Variants in ZNF704 observed in about 807,000 individuals in gnomAD.
The protein encoded by ZNF704 is zinc finger protein 704.
In ZNF704, 10 loss-of-function variants were observed where a neutral mutation model predicts 44.7. The ratio of observed to expected loss-of-function variants is 0.22; its 90% CI spans 0.14 to 0.38. The LOEUF (loss-of-function observed/expected upper bound fraction) is 0.38, where lower values mean the gene tolerates loss of function less well. ZNF704 is among the 10% of genes least tolerant of loss of function. The pLI, the probability that ZNF704 is intolerant of heterozygous loss-of-function variation, is 1.00. For missense variants in ZNF704, 390 were observed against 545.5 expected, an observed-to-expected ratio of 0.71 and a Z score of 2.84; for synonymous variants, 211 against 207.6, an observed-to-expected ratio of 1.02 and a Z score of -0.14.
intron 2 of ZNF704, among the ~76,000 whole-genome samples, chr8:80,727,959 C>G (rs1362454800): frequency 6.6e-6 from 1 of 152,070 alleles, no homozygotes. Flanking sequence ...TACCAAACTA[C>G]AAAGGTAACC....
rs34778127 is a variant in ZNF704 at position 80,663,904 on chromosome 8, A to G, written c.927+911T>C. ...ACCACCATGCCTGGCTAATTTTTGT[A>G]TTTTTTGTAGATATGGGGGTCTCAC... On this transcript the variant is annotated intron_variant, in intron 6 of 8. Transcript: ENST00000327835. 2.8e-3 allele frequency among the ~76,000 whole-genome samples: 422 copies of G among 148,300 alleles called. 3 individuals are homozygous for G. The highest frequency in any genetic ancestry group is 9.8e-3 in the African/African-American group (394 of 40,126).
At chr8:80,773,901 G>C (rs1265201491) in intron 2 of ZNF704, among the ~76,000 whole-genome samples, 1 of 151,984 alleles carries the variant, frequency 6.6e-6, no homozygotes, top group African/African-American at 2.4e-5. Flanking sequence ...TAACACTGCT[G>C]TCATTTTGGT....
At chr8:80,662,575 A>G (rs1325248424) in intron 6 of ZNF704, among the ~76,000 whole-genome samples, 1 of 152,232 alleles carries the variant, frequency 6.6e-6, no homozygotes, top group Non-Finnish European at 1.5e-5. Context: ...TATTAGCTCT[A>G]TTCAATTACT....
At chr8:80,822,316 C>G (rs1241889607) in intron 1 of ZNF704, among the ~76,000 whole-genome samples, 1 of 151,166 alleles carries the variant, frequency 6.6e-6, no homozygotes, top group African/African-American at 2.5e-5. Flanking sequence ...GTTCCCCACC[C>G]TGTGTCCAAG....
chr8:80,847,456 T>C (rs1224275562), intron 1 of ZNF704, among the ~76,000 whole-genome samples: 2 of 152,156 alleles, frequency 1.3e-5, no homozygotes, highest in African/African-American at 4.8e-5. Flanking sequence ...AATATTTTTG[T>C]AGACACAGAC....
chr8:80,737,071 T>C (rs1585991142), intron 2 of ZNF704, among the ~76,000 whole-genome samples: 1 of 152,188 alleles, frequency 6.6e-6, no homozygotes, highest in East Asian at 1.9e-4. Flanking sequence ...AATAACGCTA[T>C]AGTAGGAACA....
intron 5 of ZNF704, among the ~76,000 whole-genome samples, chr8:80,666,774 T>G (rs1450622844): frequency 2.0e-5 from 3 of 150,162 alleles, no homozygotes; most frequent in African/African-American, 7.4e-5. Context: ...TTTTGAGAAG[T>G]GTCTGTTCAT....
chr8:80,789,525 T>C (rs1022967536), intron 2 of ZNF704, among the ~76,000 whole-genome samples: 15 of 152,032 alleles, frequency 9.9e-5, no homozygotes, highest in African/African-American at 2.2e-4. Flanking sequence ...AGAGGGAGGA[T>C]AGGTTGAGGA....
At chr8:80,844,180 C>T (rs1297554318) in intron 1 of ZNF704, among the ~76,000 whole-genome samples, 1 of 152,068 alleles carries the variant, frequency 6.6e-6, no homozygotes, top group East Asian at 1.9e-4. Context: ...TCTGGGAAAG[C>T]AATTCTGAGG....
chr8:80,842,154 A>G (rs1048690870), intron 1 of ZNF704, among the ~76,000 whole-genome samples: 2 of 152,140 alleles, frequency 1.3e-5, no homozygotes, highest in African/African-American at 4.8e-5. Context: ...ATATCCCAGG[A>G]AAAGAGTCTT....
intron 2 of ZNF704, among the ~76,000 whole-genome samples, chr8:80,800,988 C>T (rs1807889886): frequency 6.6e-6 from 1 of 151,966 alleles, no homozygotes; most frequent in Non-Finnish European, 1.5e-5. Flanking sequence ...AAATGGAACA[C>T]AGAAAAAAGC....
intron 2 of ZNF704, among the ~76,000 whole-genome samples, chr8:80,778,972 C>A (rs891713161): frequency 2.6e-5 from 4 of 151,818 alleles, no homozygotes; most frequent in Admixed American, 2.0e-4. Context: ...AGTTTACTTA[C>A]ATAACAAATC....
At chr8:80,737,552 A>G (rs971748977) in intron 2 of ZNF704, among the ~76,000 whole-genome samples, 3 of 152,198 alleles carry the variant, frequency 2.0e-5, no homozygotes, top group African/African-American at 7.2e-5. Context: ...CATATTATCA[A>G]TTATGCCACA....
chr8:80,652,451 A>C (rs912922031), intron 7 of ZNF704, among the ~76,000 whole-genome samples: 1 of 152,204 alleles, frequency 6.6e-6, no homozygotes, highest in Admixed American at 6.5e-5. Flanking sequence ...AGAGAGAAGA[A>C]TCAAATAGAC....
At chr8:80,784,066 T>C (rs927263559) in intron 2 of ZNF704, among the ~76,000 whole-genome samples, 4 of 152,230 alleles carry the variant, frequency 2.6e-5, no homozygotes, top group African/African-American at 9.6e-5. Context: ...GAGCACCCTC[T>C]GTCCTCATAC....
chr8:80,762,490 T>A (rs7005576), intron 2 of ZNF704, among the ~76,000 whole-genome samples: 1 of 152,110 alleles, frequency 6.6e-6, no homozygotes, highest in Non-Finnish European at 1.5e-5. Flanking sequence ...TCAGATCTCA[T>A]GAGAACCCAC....
At chr8:80,838,498 G>C (rs560734215) in intron 1 of ZNF704, among the ~76,000 whole-genome samples, 1 of 152,204 alleles carries the variant, frequency 6.6e-6, no homozygotes, top group South Asian at 2.1e-4. Context: ...GACTGAGGCA[G>C]TGAGGGTGAG....
chr8:80,806,626 G>C (rs990644362), intron 2 of ZNF704, among the ~76,000 whole-genome samples: 51 of 152,226 alleles, frequency 3.4e-4, no homozygotes, highest in African/African-American at 1.2e-3. Flanking sequence ...CTTGGAAAAA[G>C]GTTCCTTTTT....
At chr8:80,674,245 C>T (rs767285884) in intron 4 of ZNF704, among the ~76,000 whole-genome samples, 2 of 152,162 alleles carry the variant, frequency 1.3e-5, no homozygotes, top group Non-Finnish European at 2.9e-5. Flanking sequence ...ATCCCACCTT[C>T]AAACCTGCTA....
Sources: gnomAD v4.1 joint callset for allele counts (sites outside exome capture counted in the v4.1 genomes callset) on GRCh38, gnomAD v4.1.1 for gene constraint, MANE v1.5 for transcripts, NCBI Gene and HGNC (gene_info 2026-07-23, HGNC 2026-07-21) for gene names.